The following CRB1 variants were observed in gnomAD, a reference collection of about 807,000 sequenced individuals.
The protein encoded by CRB1 is crumbs cell polarity complex component 1.
CRB1 carries 83 observed loss-of-function variants against 120.0 expected under a neutral mutation model. The observed-to-expected ratio is 0.69, with a 90% CI of 0.58 to 0.83. CRB1 has a LOEUF of 0.83. Ranked by LOEUF, CRB1 falls within the 40% of genes least tolerant of loss-of-function variation. The pLI is 0.00. For missense variants in CRB1, 1,699 were observed against 1,687.6 expected (o/e 1.01, Z -0.12); for synonymous variants, 625 against 612.5 (o/e 1.02, Z -0.30).
At chr1:197,284,469 C>T (rs754799476) in intron 1 of CRB1, among the ~76,000 whole-genome samples, 1 of 152,038 alleles carries the variant, frequency 6.6e-6, no homozygotes, top group African/African-American at 2.4e-5. Context: ...ATGTGATTAG[C>T]CCTATTTCTT....
At chr1:197,254,973 C>A in the CRB1 span, among the ~76,000 whole-genome samples, 1 of 151,968 alleles carries the variant, frequency 6.6e-6, no homozygotes, top group African/African-American at 2.4e-5. Flanking sequence ...ACTTCACTCA[C>A]TGGATTTTGT....
At chr1:197,340,445 CA>C (rs993685314) in intron 2 of CRB1, among the ~76,000 whole-genome samples, 2 of 151,988 alleles carry the variant, frequency 1.3e-5, no homozygotes, top group Middle Eastern at 3.4e-3. Flanking sequence ...GGGATGATGT[CA>C]AAAATTTAAG....
chr1:197,307,044 A>G (rs1657216937), intron 1 of CRB1, among the ~76,000 whole-genome samples: 1 of 152,192 alleles, frequency 6.6e-6, no homozygotes, highest in Non-Finnish European at 1.5e-5. Flanking sequence ...TATTTGTTCT[A>G]TTCAAAGATA....
At chr1:197,283,365 A>C (rs1488978118) in intron 1 of CRB1, among the ~76,000 whole-genome samples, 1 of 151,618 alleles carries the variant, frequency 6.6e-6, no homozygotes, top group Non-Finnish European at 1.5e-5. Context: ...ACTGAACCCA[A>C]TGTGTAGTCT....
At chr1:197,331,812 G>GT (rs1658871153) in intron 2 of CRB1, among the ~76,000 whole-genome samples, 1 of 152,148 alleles carries the variant, frequency 6.6e-6, no homozygotes, top group Non-Finnish European at 1.5e-5. Flanking sequence ...TACAATGTAT[G>GT]TTTTTTAAAT....
intron 11 of CRB1, among the ~76,000 whole-genome samples, chr1:197,468,880 GCATGATTGAATAAA>G (rs796824107): frequency 1.1e-3 from 168 of 152,258 alleles, no homozygotes; most frequent in African/African-American, 3.7e-3. Flanking sequence ...AAGAGGAGAG[GCATGATTGAATAAA>G]CGGCATGTTT....
intron 5 of CRB1, among the ~76,000 whole-genome samples, chr1:197,417,315 G>T (rs1664057279): frequency 6.6e-6 from 1 of 152,204 alleles, no homozygotes; most frequent in South Asian, 2.1e-4. Flanking sequence ...GAAAGAGAGA[G>T]AAAGAATTGC....
chr1:197,228,053 C>G, the CRB1 span, among the ~76,000 whole-genome samples: 3 of 152,172 alleles, frequency 2.0e-5, no homozygotes, highest in Non-Finnish European at 4.4e-5. Context: ...TCACACAGCA[C>G]AAGGTCCTGG....
chr1:197,288,426 C>G (rs616675), intron 1 of CRB1, among the ~76,000 whole-genome samples: 1 of 151,734 alleles, frequency 6.6e-6, no homozygotes, highest in Non-Finnish European at 1.5e-5. Context: ...CTTAAAAGAA[C>G]CAAACTGTTT....
chr1:197,273,709 C>T (rs1370361769), intron 1 of CRB1, among the ~76,000 whole-genome samples: 1 of 151,920 alleles, frequency 6.6e-6, no homozygotes, highest in Non-Finnish European at 1.5e-5. Context: ...CATCTTTGGC[C>T]TGTGGGAGTT....
chr1:197,241,712 T>C, the CRB1 span, among the ~76,000 whole-genome samples: 2 of 151,964 alleles, frequency 1.3e-5, no homozygotes, highest in African/African-American at 4.8e-5. Context: ...TTTTTTTTTT[T>C]TTTCTAATTC....
chr1:197,314,397 A>G (rs1231125075), intron 1 of CRB1, among the ~76,000 whole-genome samples: 1 of 152,062 alleles, frequency 6.6e-6, no homozygotes, highest in African/African-American at 2.4e-5. Flanking sequence ...TTTCTCTGCA[A>G]AGTTTTCTCA....
the CRB1 span, among the ~76,000 whole-genome samples, chr1:197,237,132 G>T: frequency 6.9e-6 from 1 of 145,716 alleles, no homozygotes; most frequent in Non-Finnish European, 1.5e-5. Flanking sequence ...GAAATTATCA[G>T]AAAAAAAAAA....
the CRB1 span, among the ~76,000 whole-genome samples, chr1:197,231,913 C>T: frequency 1.3e-5 from 2 of 152,134 alleles, no homozygotes; most frequent in South Asian, 2.1e-4. Context: ...TCCTAATTCT[C>T]GGAACCTGTG....
chr1:197,231,111 T>A, the CRB1 span, among the ~76,000 whole-genome samples: 1 of 152,202 alleles, frequency 6.6e-6, no homozygotes, highest in Non-Finnish European at 1.5e-5. Flanking sequence ...GAGTTGGTTC[T>A]TGTATGAAGA....
At chr1:197,202,345 A>G in the CRB1 span, among the ~76,000 whole-genome samples, 1 of 152,208 alleles carries the variant, frequency 6.6e-6, no homozygotes, top group African/African-American at 2.4e-5. Context: ...ACTCACATTC[A>G]CATGGATTTG....
At chr1:197,280,105 A>T (rs983786007) in intron 1 of CRB1, among the ~76,000 whole-genome samples, 1 of 151,864 alleles carries the variant, frequency 6.6e-6, no homozygotes, top group Non-Finnish European at 1.5e-5. Context: ...TCACACAACC[A>T]TATCACACGG....
chr1:197,457,942 G>T (rs1044744468), intron 11 of CRB1, among the ~76,000 whole-genome samples: 4 of 152,072 alleles, frequency 2.6e-5, no homozygotes, highest in African/African-American at 9.7e-5. Context: ...TAGTGTAAGT[G>T]CCACACTGTG....
the CRB1 span, among the ~76,000 whole-genome samples, chr1:197,218,047 C>T: frequency 6.6e-6 from 1 of 152,100 alleles, no homozygotes; most frequent in African/African-American, 2.4e-5. Context: ...AAAACAATTT[C>T]AGCTCTTCTA....
Sources: allele counts gnomAD v4.1 joint callset (sites outside exome capture counted in the v4.1 genomes callset), GRCh38; gene constraint gnomAD v4.1.1; transcripts MANE v1.5; gene names NCBI Gene and HGNC (gene_info 2026-07-23, HGNC 2026-07-21).